The following GRID2IP variants were observed in gnomAD, a reference collection of about 807,000 sequenced individuals.
The protein encoded by GRID2IP is delphilin.
Under a neutral mutation model 114.3 loss-of-function variants are expected in GRID2IP, and 78 were observed. That is an observed-to-expected ratio of 0.68 (90% CI 0.57 to 0.82). The LOEUF (loss-of-function observed/expected upper bound fraction) is 0.82, where lower values mean the gene tolerates loss of function less well. Ranked by LOEUF, GRID2IP falls within the 40% of genes least tolerant of loss-of-function variation. The pLI is 0.00. For synonymous variants in GRID2IP, 809 were observed against 724.0 expected (o/e 1.12, Z -1.89); for missense variants, 1,727 against 1,678.5 (o/e 1.03, Z -0.51).
intron 2 of GRID2IP, chr7:6,531,123 G>A (rs1779613361): frequency 5.7e-6 from 3 of 527,482 alleles, no homozygotes. Context: ...GGACCGCGGC[G>A]CGGCAGGTGC....
In GRID2IP at chr7:6,503,615, C is replaced by A. The variant is rs767438140; in HGVS notation, c.2783G>T (p.Arg928Leu). 2.0e-6 allele frequency: 3 copies of A among 1,528,748 alleles called. No individual in the cohort carries two copies. The highest frequency in any genetic ancestry group is 2.6e-6 in the Non-Finnish European group (3 of 1,144,260). 94.7% of individuals were successfully genotyped at this position (1,528,748 alleles called of 1,614,324 possible). ...CTGCGCGAGATGTGCGGGCTCCAGG[C>A]GCCGGGGCTCCATGCTCATCAGCAC... ...RQVLMSMEPRRLEPAHLAQLL... is the reference protein window; with the variant it reads ...RQVLMSMEPRLLEPAHLAQLL... The change falls in exon 16 of 22, where the codon CGC becomes CTC. Residue 928 changes from arginine (R) to leucine (L), a missense_variant. By Grantham distance (102) the Arg-to-Leu change is moderately radical. Transcript: ENST00000457091.
chr7:6,517,082 T>C (rs1779321248), intron 7 of GRID2IP, among the ~76,000 whole-genome samples: 1 of 150,888 alleles, frequency 6.6e-6, no homozygotes, highest in South Asian at 2.1e-4. Context: ...TTTGAGACAG[T>C]CTGGCTCTGT....
intron 2 of GRID2IP, among the ~76,000 whole-genome samples, chr7:6,530,506 C>T (rs1779597831): frequency 6.6e-6 from 1 of 151,352 alleles, no homozygotes; most frequent in African/African-American, 2.4e-5. Flanking sequence ...CTCAGAAGAT[C>T]CGCACCCCCC....
rs1400855513 is a variant in GRID2IP, at chr7:6,526,572, C to A, written c.782G>T (p.Arg261Leu). The change falls in exon 3 of 22, where the codon CGC becomes CTC. Residue 261 changes from arginine to leucine, a missense_variant. Coordinates refer to ENST00000457091, the MANE Select transcript of GRID2IP (RefSeq NM_001145118.2). The surrounding 1 kb of genome is among the most constrained non-coding windows in gnomAD (Gnocchi z 7.6). ...GCCGCCCACCAGCAAGGAGGCCCTG[C>A]GCGGGGGCGGCTCATCGGGGCGGCG... ...PPRRPDEPPP[R>L]RASLLVGGLA... 8 of 1,203,806 alleles carry A rather than the reference C, an allele frequency of 6.6e-6. No homozygotes were observed. The highest frequency in any genetic ancestry group is 8.2e-6 in the Non-Finnish European group (8 of 970,926). 74.6% of individuals were successfully genotyped at this position (1,203,806 alleles called of 1,614,324 possible).
chr7:6,527,158 C>T (rs1779531330), intron 2 of GRID2IP, among the ~76,000 whole-genome samples: 1 of 152,098 alleles, frequency 6.6e-6, no homozygotes. Context: ...ATCCCCACCA[C>T]CCACTGTCTC....
intron 20 of GRID2IP, among the ~76,000 whole-genome samples, chr7:6,499,931 A>G (rs988816234): frequency 8.6e-5 from 13 of 151,030 alleles, no homozygotes; most frequent in South Asian, 8.4e-4. Flanking sequence ...CGGTCCCCCT[A>G]TGTTGCCCAG....
At chr7:6,539,504 C>T (rs896361765) in intron 2 of GRID2IP, among the ~76,000 whole-genome samples, 1 of 152,080 alleles carries the variant, frequency 6.6e-6, no homozygotes, top group Non-Finnish European at 1.5e-5. Flanking sequence ...CAAGGTGGTA[C>T]CCTGGCATCT....
In GRID2IP at chr7:6,502,834, C is replaced by T. The variant is rs771733362; in HGVS notation, c.3102G>A (p.Gln1034=). 10 of 1,551,952 alleles carry T rather than the reference C, an allele frequency of 6.4e-6. No individual in the cohort carries two copies. The highest frequency in any genetic ancestry group is 6.1e-6 in the Non-Finnish European group (7 of 1,147,046). The change falls in exon 18 of 22, where the codon CAG becomes CAA. Residue 1034 remains glutamine (Q), a synonymous_variant. Transcript: ENST00000457091. Reference sequence around the variant, plus strand: ...AGCCCGTAGTCTTGTTGGTTTTGGGCTGTCCATCGTTGAGATAGTTGCCCA... The same window carrying T: ...AGCCCGTAGTCTTGTTGGTTTTGGGTTGTCCATCGTTGAGATAGTTGCCCA... The part of the protein sequence containing the change: ...LAMGNYLNDG[Q]PKTNKTTGFK...
Position 6,528,940 on chromosome 7 carries a change from G to A in GRID2IP, c.585-2171C>T, listed in dbSNP as rs1173371255. On this transcript the variant is annotated intron_variant, in intron 2 of 21. Coordinates refer to ENST00000457091, the MANE Select transcript of GRID2IP (RefSeq NM_001145118.2). The surrounding 1 kb of genome is among the most constrained non-coding windows in gnomAD (Gnocchi z 6.0). Reference sequence around the variant, plus strand: ...CATTTAAGGTCTCCAGAGCCTGACCGCTCCATCTGCCAGGCCTGCACATTC... The same window carrying A: ...CATTTAAGGTCTCCAGAGCCTGACCACTCCATCTGCCAGGCCTGCACATTC... Among the ~76,000 whole-genome samples, 37 of 152,068 alleles carry A rather than the reference G, an allele frequency of 2.4e-4. No homozygotes were observed. Among genetic ancestry groups the A allele is most frequent in the Admixed American group, 2.4e-3 (36 of 15,268 alleles).
At chr7:6,542,818 T>C (rs1246463437) in intron 1 of GRID2IP, among the ~76,000 whole-genome samples, 1 of 152,174 alleles carries the variant, frequency 6.6e-6, no homozygotes, top group African/African-American at 2.4e-5. Context: ...CCACATGTCA[T>C]ACAGTTTAGC....
Position 6,508,496 on chromosome 7 carries a change from A to C in GRID2IP, c.2128-95T>G. 6.6e-7 allele frequency: 1 copy of C among 1,523,768 alleles called. No individual in the cohort carries two copies. The highest frequency in any genetic ancestry group is 2.5e-5 in the East Asian group (1 of 40,778). 94.4% of individuals were successfully genotyped at this position (1,523,768 alleles called of 1,614,324 possible). On this transcript the variant is annotated intron_variant, in intron 12 of 21. Transcript: ENST00000457091. This position sits in a 1 kb window ranked among gnomAD's most constrained non-coding sequence, Gnocchi z 5.6. The stretch of plus-strand genomic sequence containing the variant: ...AAGGATCATGGGATAGCCTGGGACA[A>C]GGACAGGGCCATCTCACGGGTTAGC...
intron 1 of GRID2IP, among the ~76,000 whole-genome samples, chr7:6,546,970 G>C (rs1779898363): frequency 6.6e-6 from 1 of 152,154 alleles, no homozygotes; most frequent in Non-Finnish European, 1.5e-5. Context: ...CTCTTTCCTG[G>C]ACACACATTA....
rs1334851891 is a variant in GRID2IP, at chr7:6,519,615, G to A, written c.1268+963C>T. On this transcript the variant is annotated intron_variant, in intron 7 of 21. Transcript: ENST00000457091. The surrounding 1 kb of genome is among the most constrained non-coding windows in gnomAD (Gnocchi z 4.1). ...TCTACTAAAAGTACAAAATTAGCCA[G>A]GCGTGGTGGCATATGCCTGTAATCC... 1.3e-5 allele frequency among the ~76,000 whole-genome samples: 2 copies of A among 152,050 alleles called. No homozygotes were observed. The highest frequency in any genetic ancestry group is 4.8e-5 in the African/African-American group (2 of 41,412).
At chr7:6,550,657 CAAAA>C (rs71008400) in intron 1 of GRID2IP, among the ~76,000 whole-genome samples, 3 of 97,108 alleles carry the variant, frequency 3.1e-5, no homozygotes, top group African/African-American at 7.7e-5. Flanking sequence ...CTAAAAATAC[CAAAA>C]AAAAAAAAAA....
chr7:6,500,320 C>T (rs979045022), intron 20 of GRID2IP, among the ~76,000 whole-genome samples: 6 of 151,976 alleles, frequency 3.9e-5, no homozygotes, highest in South Asian at 4.1e-4. Context: ...AAAAATTAGC[C>T]GGTTGTGGTG....
In GRID2IP at chr7:6,510,924, CT is replaced by C; in HGVS notation, c.1538del (p.Glu513GlyfsTer18). 1 of 1,549,790 alleles carries C rather than the reference CT, an allele frequency of 6.5e-7. No individual in the cohort carries two copies. The highest frequency in any genetic ancestry group is 8.7e-7 in the Non-Finnish European group (1 of 1,146,006). ...CAGCCTTACCGCAGCTGAGGCCGGC[CT>C]CCAGGCCCTGGGACCGGAGGCTGCG... ...CRRSLRSQGL[E>X]AGLSCGPSEC... On this transcript the variant is annotated frameshift_variant, in exon 9 of 22. Coordinates refer to ENST00000457091, the MANE Select transcript of GRID2IP (RefSeq NM_001145118.2). LOFTEE classifies it high-confidence loss of function.
At position 6,504,885 on chromosome 7, in the gene GRID2IP, G is replaced by A; in HGVS notation, c.2633-15C>T. 1 of 1,550,384 alleles carries A rather than the reference G, an allele frequency of 6.5e-7. No individual in the cohort carries two copies. Among genetic ancestry groups the A allele is most frequent in the Non-Finnish European group, 8.7e-7 (1 of 1,146,294 alleles). On this transcript the variant is annotated splice_polypyrimidine_tract_variant and intron_variant, in intron 14 of 21. Transcript: ENST00000457091. Reference sequence around the variant, plus strand: ...CGGCACCGGTTCTGGAAAAGAAACTGACAGTTTACGGAGGCGGCTAGGCTG... The same window carrying A: ...CGGCACCGGTTCTGGAAAAGAAACTAACAGTTTACGGAGGCGGCTAGGCTG...
intron 18 of GRID2IP, 102 bp from the exon 19 acceptor site, chr7:6,502,220 T>C: frequency 1.7e-6 from 2 of 1,155,218 alleles, no homozygotes; most frequent in Non-Finnish European, 2.5e-6. Flanking sequence ...TGATGAATTC[T>C]TGGCGCCCCC....
At chr7:6,499,267 T>G (rs1463754408) in intron 20 of GRID2IP, among the ~76,000 whole-genome samples, 2 of 151,626 alleles carry the variant, frequency 1.3e-5, no homozygotes, top group African/African-American at 4.8e-5. Context: ...ACCACTGTGG[T>G]AGAGGTTCTC....
Sources: gnomAD v4.1 joint callset for allele counts (sites outside exome capture counted in the v4.1 genomes callset) on GRCh38, gnomAD v4.1.1 for gene constraint, Gnocchi (gnomAD v3.1) non-coding constraint, MANE v1.5 for transcripts, NCBI Gene and HGNC (gene_info 2026-07-23, HGNC 2026-07-21) for gene names.